Variants in FBXW7 observed in about 807,000 individuals in gnomAD.
FBXW7 encodes the protein F-box/WD repeat-containing protein 7.
Under a neutral mutation model 86.3 loss-of-function variants are expected in FBXW7, and 11 were observed. The observed-to-expected ratio is 0.13, with a 90% CI of 0.08 to 0.21. The LOEUF is 0.21. FBXW7 is among the 10% of genes least tolerant of loss of function. FBXW7 has a pLI of 1.00. For missense variants in FBXW7, 488 were observed against 847.4 expected (o/e 0.58, Z 5.27); for synonymous variants, 313 against 297.9 (o/e 1.05, Z -0.52).
At chr4:152,372,628 T>C (rs1734105179) in intron 4 of FBXW7, among the ~76,000 whole-genome samples, 2 of 151,976 alleles carry the variant, frequency 1.3e-5, no homozygotes, top group Non-Finnish European at 2.9e-5. Context: ...TCACACTTGT[T>C]TACCTTGCCA....
At chr4:152,391,020 G>A (rs1735951906) in intron 4 of FBXW7, among the ~76,000 whole-genome samples, 1 of 151,988 alleles carries the variant, frequency 6.6e-6, no homozygotes, top group South Asian at 2.1e-4. Flanking sequence ...GGTAAAATAG[G>A]AGGGGGACAT....
At chr4:152,472,025 TTCAAC>T (rs768296962) in intron 2 of FBXW7, among the ~76,000 whole-genome samples, 1 of 151,940 alleles carries the variant, frequency 6.6e-6, no homozygotes, top group Non-Finnish European at 1.5e-5. Flanking sequence ...TTAAAAATAC[TTCAAC>T]TCAACAAAAA....
chr4:152,509,536 G>A (rs918496949), intron 2 of FBXW7, among the ~76,000 whole-genome samples: 2 of 152,112 alleles, frequency 1.3e-5, no homozygotes, highest in African/African-American at 4.8e-5. Context: ...ATGTTTTAGA[G>A]TAGATATTGA....
intron 6 of FBXW7, among the ~76,000 whole-genome samples, chr4:152,341,287 C>G (rs554049740): frequency 6.6e-6 from 1 of 152,180 alleles, no homozygotes; most frequent in Non-Finnish European, 1.5e-5. Context: ...CTCTGCCATA[C>G]ACACTCTTTC....
chr4:152,464,057 G>A (rs1743195189), intron 2 of FBXW7, among the ~76,000 whole-genome samples: 1 of 152,146 alleles, frequency 6.6e-6, no homozygotes, highest in South Asian at 2.1e-4. Flanking sequence ...TTTTATCTTG[G>A]AAATAATAGC....
intron 4 of FBXW7, among the ~76,000 whole-genome samples, chr4:152,366,793 T>A (rs1733526652): frequency 6.6e-6 from 1 of 152,176 alleles, no homozygotes; most frequent in African/African-American, 2.4e-5. Context: ...CCCAAAGGAT[T>A]ATAAATCATG....
intron 4 of FBXW7, among the ~76,000 whole-genome samples, chr4:152,361,766 G>A (rs1293179766): frequency 6.6e-6 from 1 of 152,008 alleles, no homozygotes; most frequent in Non-Finnish European, 1.5e-5. Flanking sequence ...ACTTGAGGTG[G>A]AGACCAGCCT....
intron 4 of FBXW7, among the ~76,000 whole-genome samples, chr4:152,351,931 G>C (rs1253866125): frequency 2.0e-5 from 3 of 151,988 alleles, no homozygotes; most frequent in African/African-American, 7.2e-5. Flanking sequence ...ATAAAGGAAA[G>C]CACCTTCTGT....
chr4:152,401,974 T>C (rs901949879), intron 4 of FBXW7, among the ~76,000 whole-genome samples: 1 of 151,970 alleles, frequency 6.6e-6, no homozygotes, highest in Non-Finnish European at 1.5e-5. Context: ...TCTTACCAGA[T>C]TGGAGGGATA....
chr4:152,518,560 T>C (rs548501378), intron 2 of FBXW7, among the ~76,000 whole-genome samples: 104 of 152,284 alleles, frequency 6.8e-4, no homozygotes, highest in Non-Finnish European at 1.1e-3. Flanking sequence ...GCCTCTCGAG[T>C]AACTGGGATT....
At chr4:152,425,992 C>T (rs1186401466) in intron 2 of FBXW7, among the ~76,000 whole-genome samples, 5 of 152,192 alleles carry the variant, frequency 3.3e-5, no homozygotes, top group African/African-American at 7.2e-5. Context: ...CCCCTGCCTA[C>T]ACCCCAAGAA....
chr4:152,517,674 T>C (rs1422272139), intron 2 of FBXW7, among the ~76,000 whole-genome samples: 3 of 152,172 alleles, frequency 2.0e-5, no homozygotes, highest in Admixed American at 6.5e-5. Context: ...ACTTACCTCA[T>C]AGAGCTATCG....
chr4:152,380,923 T>C (rs1735008295), intron 4 of FBXW7, among the ~76,000 whole-genome samples: 1 of 152,014 alleles, frequency 6.6e-6, no homozygotes, highest in Non-Finnish European at 1.5e-5. Flanking sequence ...TATAAAATAC[T>C]CAAATCAGAG....
intron 4 of FBXW7, among the ~76,000 whole-genome samples, chr4:152,367,726 A>C (rs1255633337): frequency 1.3e-5 from 2 of 152,112 alleles, no homozygotes; most frequent in Non-Finnish European, 2.9e-5. Context: ...TTTAGTTTTC[A>C]CTTTCTAATA....
intron 5 of FBXW7, among the ~76,000 whole-genome samples, chr4:152,348,193 A>C (rs1731453422): frequency 1.5e-5 from 2 of 137,860 alleles, no homozygotes; most frequent in Admixed American, 7.3e-5. Context: ...TATCTCAGTC[A>C]CCAGATTTTA....
chr4:152,332,531 T>G, intron 8 of FBXW7, 65 bp downstream of exon 8: 7 of 1,399,308 alleles, frequency 5.0e-6, no homozygotes, highest in Non-Finnish European at 5.7e-6. Flanking sequence ...TTTTTTCTAC[T>G]TGTTTTCAGA....
rs1014042365 is a variant in FBXW7 at position 152,536,004 on chromosome 4, GGCGGCGGCGGCA to G, written c.-1102_-1091del. 5 of 223,504 alleles carry G rather than the reference GGCGGCGGCGGCA, an allele frequency of 2.2e-5. No individual in the cohort carries two copies. Among genetic ancestry groups the G allele is most frequent in the South Asian group, 7.7e-5 (1 of 12,942 alleles). The allele number at this position is 223,504 out of a possible 1,614,324, so 13.8% of individuals were successfully genotyped here. A position where few individuals can be genotyped will look rare whatever the true frequency, so the allele number is the denominator to read the frequency against. Reference sequence around the variant, plus strand: ...CTCCTTCGCTCTCAGTCTCAGCGGCGGCGGCGGCGGCAGCGGCAGCGGCAGCGCCCGGAGCTC... The same window carrying G: ...CTCCTTCGCTCTCAGTCTCAGCGGCGGCGGCAGCGGCAGCGCCCGGAGCTC... On this transcript the variant is annotated 5_prime_UTR_variant, in exon 1 of 14. Coordinates refer to ENST00000281708, the MANE Select transcript of FBXW7 (RefSeq NM_001349798.2).
chr4:152,388,391 T>G (rs1012129579), intron 4 of FBXW7, among the ~76,000 whole-genome samples: 4 of 152,156 alleles, frequency 2.6e-5, no homozygotes, highest in East Asian at 1.9e-4. Context: ...AAGCATTGCA[T>G]GTACATGCCT....
chr4:152,341,534 G>C (rs1730739051), intron 6 of FBXW7, among the ~76,000 whole-genome samples: 1 of 152,188 alleles, frequency 6.6e-6, no homozygotes, highest in African/African-American at 2.4e-5. Flanking sequence ...CCACACCCAA[G>C]TAGGGCCTAG....
Sources: allele counts gnomAD v4.1 joint callset (sites outside exome capture counted in the v4.1 genomes callset), GRCh38; gene constraint gnomAD v4.1.1; transcripts MANE v1.5; gene names NCBI Gene and HGNC (gene_info 2026-07-23, HGNC 2026-07-21).